Variants in EXOSC10 observed in about 807,000 individuals in gnomAD.
EXOSC10 encodes the protein exosome component 10, also known as exosome complex component 10.
Under a neutral mutation model 126.6 loss-of-function variants are expected in EXOSC10, and 94 were observed. The observed-to-expected ratio is 0.74, with a 90% CI of 0.63 to 0.88. The LOEUF (loss-of-function observed/expected upper bound fraction) is 0.88. Ranked by LOEUF, EXOSC10 falls within the 40% of genes least tolerant of loss-of-function variation. The probability of loss-of-function intolerance (pLI) is 0.00; values close to 1 mark genes in which losing one functional copy is unlikely to be tolerated. For missense variants in EXOSC10, 1,041 were observed against 1,100.5 expected (o/e 0.95, Z 0.77); for synonymous variants, 395 against 400.8 (o/e 0.99, Z 0.17).
Position 11,087,565 on chromosome 1 carries a change from TCCCAGGAAGCTCCTGTAAGAGTGGTG to T in EXOSC10, c.946_971del (p.His316ThrfsTer17). 3 of 1,613,924 alleles carry T rather than the reference TCCCAGGAAGCTCCTGTAAGAGTGGTG, an allele frequency of 1.9e-6. No homozygotes were observed. The South Asian group carries it at 3.3e-5, about 18-fold the overall frequency. ...TAGAAATTTGCATCAGGCAGGTCAG[TCCCAGGAAGCTCCTGTAAGAGTGGTG>T]CTAAACCCCACAGAAGGAGGGGAGA... On this transcript the variant is annotated frameshift_variant and splice_region_variant, in exon 9 of 25. Coordinates refer to ENST00000376936, the MANE Select transcript of EXOSC10 (RefSeq NM_001001998.3). LOFTEE classifies it high-confidence loss of function.
At chr1:11,070,394 G>C (rs1036776314) in intron 21 of EXOSC10, among the ~76,000 whole-genome samples, 7 of 151,666 alleles carry the variant, frequency 4.6e-5, no homozygotes, top group African/African-American at 1.7e-4. Flanking sequence ...ATGGTGGTGT[G>C]TGCCTGTGGT....
At chr1:11,091,314 A>G (rs1223522546) in intron 4 of EXOSC10, 135 bp from the exon 5 acceptor site, 4 of 979,388 alleles carry the variant, frequency 4.1e-6, no homozygotes, top group African/African-American at 1.6e-5. Context: ...ATGTGCATGT[A>G]GAGGTCTCCA....
intron 13 of EXOSC10, 75 bp downstream of exon 13, chr1:11,080,424 C>T: frequency 6.3e-7 from 1 of 1,578,900 alleles, no homozygotes; most frequent in East Asian, 2.2e-5. Context: ...GTAATAGCAA[C>T]CAGAAAAGCT....
chr1:11,089,180 A>G (rs1640656827), intron 6 of EXOSC10, among the ~76,000 whole-genome samples: 1 of 146,150 alleles, frequency 6.8e-6, no homozygotes, highest in Admixed American at 6.8e-5. Flanking sequence ...ACAGTGAGCT[A>G]TGATTGCACT....
chr1:11,090,807 G>A (rs1284195837), intron 5 of EXOSC10, 139 bp from the exon 6 acceptor site: 2 of 812,940 alleles, frequency 2.5e-6, no homozygotes, highest in Non-Finnish European at 3.9e-6. Context: ...GCTGAAGTGT[G>A]GTGGCACAAG....
chr1:11,084,486 G>A (rs1260834341), intron 9 of EXOSC10, among the ~76,000 whole-genome samples: 1 of 152,042 alleles, frequency 6.6e-6, no homozygotes, highest in Non-Finnish European at 1.5e-5. Context: ...TTTTTTTCTT[G>A]TAAATTTGTT....
intron 9 of EXOSC10, among the ~76,000 whole-genome samples, chr1:11,083,629 T>C (rs1298705748): frequency 2.0e-5 from 3 of 151,748 alleles, no homozygotes; most frequent in Admixed American, 2.0e-4. Context: ...AAATTTTTTT[T>C]TAAATTTATT....
chr1:11,075,225 G>C (rs1052398469), intron 17 of EXOSC10, among the ~76,000 whole-genome samples: 9 of 151,986 alleles, frequency 5.9e-5, no homozygotes, highest in African/African-American at 2.2e-4. Flanking sequence ...CACCATGTTG[G>C]CCAGGCTGGT....
Position 11,080,791 on chromosome 1 carries a change from G to A in EXOSC10, c.1559C>T (p.Thr520Ile). Residue 520 changes from threonine (T) to isoleucine (I), a missense_variant, in exon 12 of 25, where the codon ACA becomes ATA. Coordinates refer to ENST00000376936, the MANE Select transcript of EXOSC10 (RefSeq NM_001001998.3). Reference sequence around the variant, plus strand: ...GTAACTTTCATCTTCCCTGCGAGCTGTTTTATCCCTCCAGGCAAACAGCAG... The same window carrying A: ...GTAACTTTCATCTTCCCTGCGAGCTATTTTATCCCTCCAGGCAAACAGCAG... ...FQLLFAWRDK[T>I]ARREDESYGY... 2 of 1,614,154 alleles carry A rather than the reference G, an allele frequency of 1.2e-6. No individual in the cohort carries two copies. The highest frequency in any genetic ancestry group is 1.7e-6 in the Non-Finnish European group (2 of 1,180,026).
chr1:11,085,039 T>A (rs1430913426), intron 9 of EXOSC10, among the ~76,000 whole-genome samples: 1 of 152,162 alleles, frequency 6.6e-6, no homozygotes, highest in African/African-American at 2.4e-5. Flanking sequence ...AGCCTTGTAG[T>A]ATAGTTTGAA....
At chr1:11,070,817 C>G in intron 21 of EXOSC10, 83 bp downstream of exon 21, 1 of 1,245,912 alleles carries the variant, frequency 8.0e-7, no homozygotes, top group Non-Finnish European at 1.2e-6. Context: ...ACAGGGCAAG[C>G]CCCCTAAGAT....
chr1:11,079,277 C>T (rs1364153372), intron 14 of EXOSC10, among the ~76,000 whole-genome samples: 1 of 148,426 alleles, frequency 6.7e-6, no homozygotes, highest in Admixed American at 6.7e-5. Flanking sequence ...TGCAGTGAGC[C>T]GAGATCATGC....
At chr1:11,099,590 G>T in intron 1 of EXOSC10, 131 bp downstream of exon 1, 1 of 977,918 alleles carries the variant, frequency 1.0e-6, no homozygotes, top group Non-Finnish European at 1.5e-6. Flanking sequence ...TCTGCGCCCA[G>T]CGCGGACAGG....
At chr1:11,080,111 A>G (rs1008270684) in intron 13 of EXOSC10, among the ~76,000 whole-genome samples, 2 of 152,230 alleles carry the variant, frequency 1.3e-5, no homozygotes, top group African/African-American at 4.8e-5. Context: ...GGGGCAACCA[A>G]CGGGCTGTGG....
intron 2 of EXOSC10, among the ~76,000 whole-genome samples, chr1:11,096,261 A>G (rs1641080533): frequency 6.7e-6 from 1 of 149,026 alleles, no homozygotes; most frequent in South Asian, 2.1e-4. Context: ...AGCGATTCTC[A>G]TGCCTCAGCC....
At chr1:11,094,507 G>C (rs1279757964) in intron 3 of EXOSC10, among the ~76,000 whole-genome samples, 1 of 151,364 alleles carries the variant, frequency 6.6e-6, no homozygotes, top group African/African-American at 2.4e-5. Flanking sequence ...TGTCCGCCAG[G>C]CTGCTCCTGA....
intron 17 of EXOSC10, among the ~76,000 whole-genome samples, chr1:11,074,732 A>G (rs1639718706): frequency 6.6e-6 from 1 of 151,982 alleles, no homozygotes; most frequent in South Asian, 2.1e-4. Flanking sequence ...CAGTGATATT[A>G]ATACCAATGG....
intron 6 of EXOSC10, among the ~76,000 whole-genome samples, chr1:11,088,833 T>C (rs1403264407): frequency 1.3e-5 from 2 of 152,244 alleles, no homozygotes; most frequent in African/African-American, 4.8e-5. Flanking sequence ...TTTTGCATTA[T>C]ATTAAAGGCA....
Position 11,081,255 on chromosome 1 carries a change from C to T in EXOSC10, c.1281-17G>A. ...GGCAGAGGGCTGGAATTGCAGAGGA[C>T]AATGTTTTACTGATTGCCCCCAAGG... On this transcript the variant is annotated splice_polypyrimidine_tract_variant and intron_variant, in intron 10 of 24. Transcript: ENST00000376936. 6.2e-7 allele frequency: 1 copy of T among 1,612,602 alleles called. No individual in the cohort carries two copies. Among genetic ancestry groups the T allele is most frequent in the Non-Finnish European group, 8.5e-7 (1 of 1,178,770 alleles).
Sources: allele counts gnomAD v4.1 joint callset (sites outside exome capture counted in the v4.1 genomes callset), GRCh38; gene constraint gnomAD v4.1.1; transcripts MANE v1.5; gene names NCBI Gene and HGNC (gene_info 2026-07-23, HGNC 2026-07-21).